Variants in EYS observed in about 807,000 individuals in gnomAD.
EYS encodes EGF-like photoreceptor maintenance factor.
In EYS, 250 loss-of-function variants were observed where a neutral mutation model predicts 282.1. That is an observed-to-expected ratio of 0.89 (90% CI 0.80 to 0.98). EYS has a LOEUF of 0.98. Among genes scored for constraint, EYS ranks in the 50% least tolerant of loss-of-function variants. The pLI is 0.00. For missense variants in EYS, 4,016 were observed against 3,709.0 expected (o/e 1.08, Z -2.15); for synonymous variants, 1,355 against 1,282.9 (o/e 1.06, Z -1.20).
At chr6:65,195,203 T>TATATGA (rs1434950125) in intron 12 of EYS, among the ~76,000 whole-genome samples, 4 of 152,042 alleles carry the variant, frequency 2.6e-5, no homozygotes, top group African/African-American at 7.2e-5. Flanking sequence ...CTTTTAGAAA[T>TATATGA]TACTACATAT....
chr6:64,475,567 A>G (rs1233320374), intron 26 of EYS, among the ~76,000 whole-genome samples: 1 of 150,914 alleles, frequency 6.6e-6, no homozygotes, highest in African/African-American at 2.4e-5. Flanking sequence ...AAAAAAAAAA[A>G]AAAAAAGAAA....
At chr6:65,221,795 G>A (rs1279998428) in intron 12 of EYS, among the ~76,000 whole-genome samples, 1 of 152,174 alleles carries the variant, frequency 6.6e-6, no homozygotes, top group African/African-American at 2.4e-5. Flanking sequence ...GCCCATGAAA[G>A]CAGCTTGGAG....
At chr6:64,297,977 CAAAAA>C (rs34562408) in intron 30 of EYS, among the ~76,000 whole-genome samples, 57 of 96,436 alleles carry the variant, frequency 5.9e-4, no homozygotes, top group African/African-American at 1.2e-3. Context: ...GATTCTGTCT[CAAAAA>C]AAAAAAAAAA....
At chr6:65,592,965 T>A (rs576527894) in intron 2 of EYS, among the ~76,000 whole-genome samples, 1 of 151,970 alleles carries the variant, frequency 6.6e-6, no homozygotes, top group Non-Finnish European at 1.5e-5. Context: ...CATCTTTAAT[T>A]CTGCCTCCTG....
intron 29 of EYS, among the ~76,000 whole-genome samples, chr6:64,345,269 C>T (rs200659529): frequency 1.3e-5 from 2 of 150,118 alleles, no homozygotes; most frequent in African/African-American, 4.9e-5. Flanking sequence ...AAGAACAAAG[C>T]CAGAGGCATC....
chr6:65,145,852 G>T (rs1764463770), intron 12 of EYS, among the ~76,000 whole-genome samples: 1 of 151,862 alleles, frequency 6.6e-6, no homozygotes, highest in Non-Finnish European at 1.5e-5. Context: ...ATAATCAACA[G>T]AATTGGAATA....
At chr6:65,294,300 T>C (rs148306514) in intron 12 of EYS, among the ~76,000 whole-genome samples, 242 of 151,976 alleles carry the variant, frequency 1.6e-3, no homozygotes, top group African/African-American at 5.4e-3. Context: ...AGTTTAGAAG[T>C]AGGACTGAAC....
intron 31 of EYS, among the ~76,000 whole-genome samples, chr6:64,127,066 C>A (rs1409025711): frequency 6.6e-6 from 1 of 152,090 alleles, no homozygotes; most frequent in Non-Finnish European, 1.5e-5. Flanking sequence ...CTCTGAAAGG[C>A]AAATGTTTAT....
At chr6:64,709,206 AT>A (rs1771126973) in intron 22 of EYS, among the ~76,000 whole-genome samples, 1 of 152,172 alleles carries the variant, frequency 6.6e-6, no homozygotes, top group African/African-American at 2.4e-5. Flanking sequence ...AAGCATGTAT[AT>A]TTTTATAACT....
chr6:64,408,269 G>GT (rs1200431853), intron 28 of EYS, among the ~76,000 whole-genome samples: 1 of 152,106 alleles, frequency 6.6e-6, no homozygotes, highest in Non-Finnish European at 1.5e-5. Context: ...TTCAAGGCCT[G>GT]TAAGACCTTT....
intron 31 of EYS, among the ~76,000 whole-genome samples, chr6:64,161,854 C>T (rs1217374761): frequency 3.3e-5 from 5 of 152,190 alleles, no homozygotes; most frequent in South Asian, 2.1e-4. Context: ...TCTCCATTTA[C>T]TGTAATTTCT....
chr6:65,330,898 C>T (rs1366912920), intron 11 of EYS: 1 of 972,292 alleles, frequency 1.0e-6, no homozygotes, highest in Non-Finnish European at 1.2e-6. Flanking sequence ...TTATTATGAG[C>T]CATTTCCTCA....
At chr6:64,341,253 A>T (rs1771097718) in intron 29 of EYS, among the ~76,000 whole-genome samples, 2 of 151,714 alleles carry the variant, frequency 1.3e-5, no homozygotes, top group South Asian at 2.1e-4. Flanking sequence ...ACATTGAATC[A>T]TATGTTCATT....
chr6:64,323,190 G>T lies in EYS; in HGVS notation c.6079-16108C>A, dbSNP rs564245853. ...CCAAAAAGAAACACCTTACCTGTTA[G>T]TAGTTTGTCTCTATTATTTCTTCAA... is the stretch of plus-strand genomic sequence containing the variant. On this transcript the variant is annotated intron_variant, in intron 29 of 42. Transcript: ENST00000503581. Among the ~76,000 whole-genome samples the T allele has an allele frequency of 5.3e-5, 8 of 151,948 alleles. No individual in the cohort carries two copies. In the South Asian group the frequency reaches 1.7e-3, roughly 32 times the overall value.
chr6:65,307,893 T>C (rs1181778246), intron 11 of EYS, among the ~76,000 whole-genome samples: 2 of 146,642 alleles, frequency 1.4e-5, no homozygotes, highest in Admixed American at 7.0e-5. Context: ...CTTTGGAAGT[T>C]TTCTTCTCTC....
intron 31 of EYS, among the ~76,000 whole-genome samples, chr6:64,096,110 C>T (rs540669176): frequency 2.8e-4 from 42 of 152,314 alleles, no homozygotes; most frequent in African/African-American, 9.1e-4. Flanking sequence ...AGAGTTTCTG[C>T]CGAGAGATCA....
chr6:64,887,742 G>A (rs905074645), intron 18 of EYS, among the ~76,000 whole-genome samples: 21 of 152,006 alleles, frequency 1.4e-4, no homozygotes, highest in African/African-American at 4.3e-4. Context: ...CCATATTCAA[G>A]TGTAAATTAA....
intron 12 of EYS, among the ~76,000 whole-genome samples, chr6:65,071,730 C>T (rs557212198): frequency 1.8e-3 from 274 of 151,806 alleles, no homozygotes; most frequent in Middle Eastern, 6.8e-3. Flanking sequence ...TGAAGTATTC[C>T]CTAGAAAGCA....
chr6:64,703,517 C>T (rs1299528875), intron 22 of EYS, among the ~76,000 whole-genome samples: 2 of 146,046 alleles, frequency 1.4e-5, no homozygotes, highest in Non-Finnish European at 3.0e-5. Context: ...ACTGAAATCT[C>T]CACCTCCCGG....
Sources: allele counts gnomAD v4.1 joint callset (sites outside exome capture counted in the v4.1 genomes callset), GRCh38; gene constraint gnomAD v4.1.1; transcripts MANE v1.5; gene names NCBI Gene and HGNC (gene_info 2026-07-23, HGNC 2026-07-21).